Variants in GLMN observed in about 807,000 individuals in gnomAD.
GLMN encodes the protein glomulin, FKBP associated protein.
In GLMN, 75 loss-of-function variants were observed where a neutral mutation model predicts 87.8. That is an observed-to-expected ratio of 0.85 (90% CI 0.71 to 1.04). The LOEUF is 1.04. Ranked by LOEUF, GLMN falls within the 50% of genes least tolerant of loss-of-function variation. The pLI, the probability that GLMN is intolerant of heterozygous loss-of-function variation, is 0.00. For missense variants in GLMN, 588 were observed against 658.8 expected, an observed-to-expected ratio of 0.89 and a Z score of 1.18; for synonymous variants, 206 against 221.6, an observed-to-expected ratio of 0.93 and a Z score of 0.63.
intron 16 of GLMN, among the ~76,000 whole-genome samples, chr1:92,255,665 G>A (rs1238838616): frequency 1.3e-5 from 2 of 152,114 alleles, no homozygotes; most frequent in Admixed American, 1.3e-4. Flanking sequence ...AATGACTACT[G>A]GGTAAATAAC....
chr1:92,330,109 A>C, the GLMN span, among the ~76,000 whole-genome samples: 28 of 152,218 alleles, frequency 1.8e-4, no homozygotes, highest in African/African-American at 6.3e-4. Context: ...TGCACCGTCC[A>C]GTTTCTTATT....
At chr1:92,321,980 C>CT in the GLMN span, among the ~76,000 whole-genome samples, 1 of 138,202 alleles carries the variant, frequency 7.2e-6, no homozygotes, top group African/African-American at 2.7e-5. Flanking sequence ...GAGTCTCACT[C>CT]TATCACCCAG....
chr1:92,311,190 A>C, the GLMN span, among the ~76,000 whole-genome samples: 3 of 152,152 alleles, frequency 2.0e-5, no homozygotes, highest in East Asian at 5.8e-4. Flanking sequence ...TACTGTAGGA[A>C]ACCTGCTTCT....
At chr1:92,290,024 T>C (rs980901578) in intron 5 of GLMN, among the ~76,000 whole-genome samples, 174 bp downstream of exon 5, 2 of 152,324 alleles carry the variant, frequency 1.3e-5, no homozygotes, top group African/African-American at 4.8e-5. Context: ...GGCCAGATAC[T>C]ATAATCTTTC....
chr1:92,345,736 A>T, the GLMN span: 2,499 of 635,668 alleles, frequency 3.9e-3, 40 homozygotes, highest in African/African-American at 0.037. Flanking sequence ...CAAGTATTTT[A>T]AAAAAAAGTG....
chr1:92,280,031 G>A (rs745932140), intron 7 of GLMN, among the ~76,000 whole-genome samples: 1 of 152,224 alleles, frequency 6.6e-6, no homozygotes, highest in Non-Finnish European at 1.5e-5. Context: ...CTCTGGGGAC[G>A]GCACAGTAGA....
At chr1:92,330,969 AT>A in the GLMN span, among the ~76,000 whole-genome samples, 1 of 152,290 alleles carries the variant, frequency 6.6e-6, no homozygotes, top group Middle Eastern at 3.4e-3. Context: ...GAGCATGCAC[AT>A]TAACATTTGA....
chr1:92,252,750 C>T lies in GLMN; in HGVS notation c.1474-4761G>A, dbSNP rs371852598. Among the ~76,000 whole-genome samples the T allele has an allele frequency of 5.5e-4, 84 of 152,016 alleles. 3 individuals carry two copies. In the East Asian group the frequency reaches 0.013, roughly 24 times the overall value. On this transcript the variant is annotated intron_variant, in intron 16 of 18. Coordinates refer to ENST00000370360, the MANE Select transcript of GLMN (RefSeq NM_053274.3). The stretch of plus-strand genomic sequence containing the variant: ...CAAAGAAAATCACATTTTAAGATTT[C>T]TTAAAATCTTTCAGTGTCTAGAAAA...
At chr1:92,246,682 GC>G (rs1440649513) in intron 18 of GLMN, 36 bp from the exon 19 acceptor site, 1 of 1,051,568 alleles carries the variant, frequency 9.5e-7, no homozygotes, top group Non-Finnish European at 1.5e-6. Flanking sequence ...TATTAATGCT[GC>G]CTTTAAAGCA....
the GLMN span, among the ~76,000 whole-genome samples, chr1:92,318,177 A>C: frequency 2.0e-5 from 3 of 152,164 alleles, no homozygotes; most frequent in Non-Finnish European, 4.4e-5. Flanking sequence ...TGGCATGTCC[A>C]CCTTCCCAAC....
intron 5 of GLMN, 36 bp downstream of exon 5, chr1:92,290,162 C>T (rs1649231986): frequency 1.7e-6 from 2 of 1,155,060 alleles, no homozygotes; most frequent in Non-Finnish European, 1.3e-6. Context: ...TTTAGAGATA[C>T]AACAAGAAGT....
Position 92,247,960 on chromosome 1 carries a change from A to G in GLMN, c.1503T>C (p.Ile501=). 7.4e-7 allele frequency: 1 copy of G among 1,345,680 alleles called. No homozygotes were observed. Among genetic ancestry groups the G allele is most frequent in the Non-Finnish European group, 1.1e-6 (1 of 936,802 alleles). The allele number at this position is 1,345,680 out of a possible 1,614,324, so 83.4% of individuals were successfully genotyped here. Residue 501 remains isoleucine (I), a synonymous_variant, in exon 17 of 19, where the codon ATT becomes ATC. Coordinates refer to ENST00000370360, the MANE Select transcript of GLMN (RefSeq NM_053274.3). ...GAAGTGGCTTTAAGAAATTATTCTC[A>G]ATATTTCCAAGTTCTGTCCATAATC... The part of the protein sequence containing the change: ...QTGLWTELGN[I]ENNFLKPLHI...
chr1:92,271,687 C>A, intron 7 of GLMN, 35 bp from the exon 8 acceptor site: 2 of 1,455,536 alleles, frequency 1.4e-6, no homozygotes, highest in Non-Finnish European at 1.9e-6. Context: ...CCATAGCACA[C>A]AGACTCTAAA....
the GLMN span, among the ~76,000 whole-genome samples, chr1:92,347,447 G>A: frequency 3.3e-5 from 5 of 152,062 alleles, no homozygotes; most frequent in African/African-American, 9.7e-5. Context: ...TTTTTTGGTC[G>A]ACAAGTCAGA....
chr1:92,363,055 CCTT>C, the GLMN span, among the ~76,000 whole-genome samples: 4 of 152,108 alleles, frequency 2.6e-5, no homozygotes, highest in East Asian at 7.7e-4. Flanking sequence ...AATCTATACT[CCTT>C]CTCCAGGGGG....
At chr1:92,336,406 A>G in the GLMN span, 1 of 1,608,670 alleles carries the variant, frequency 6.2e-7, no homozygotes, top group Middle Eastern at 1.7e-4. Context: ...ACACAACTTA[A>G]AAATCTTGTT....
the GLMN span, among the ~76,000 whole-genome samples, chr1:92,317,377 G>A: frequency 9.9e-5 from 15 of 151,818 alleles, no homozygotes; most frequent in South Asian, 2.1e-4. Context: ...GCGTAGTGGC[G>A]GGTGCCTGTA....
intron 5 of GLMN, among the ~76,000 whole-genome samples, chr1:92,289,562 A>G (rs1338569590): frequency 1.3e-5 from 2 of 152,206 alleles, no homozygotes; most frequent in African/African-American, 4.8e-5. Flanking sequence ...AGGCATTCAT[A>G]TTTAAAACAA....
intron 16 of GLMN, among the ~76,000 whole-genome samples, chr1:92,250,602 T>C (rs763098983): frequency 2.2e-4 from 33 of 152,226 alleles, no homozygotes; most frequent in Non-Finnish European, 3.7e-4. Flanking sequence ...ACATCACAAC[T>C]CACACGTTTA....
Sources: gnomAD v4.1 joint callset for allele counts (sites outside exome capture counted in the v4.1 genomes callset) on GRCh38, gnomAD v4.1.1 for gene constraint, MANE v1.5 for transcripts, NCBI Gene and HGNC (gene_info 2026-07-23, HGNC 2026-07-21) for gene names.